Variants in ERBB3 observed in about 807,000 individuals in gnomAD.
ERBB3 encodes receptor tyrosine-protein kinase erbB-3.
Under a neutral mutation model 156.7 loss-of-function variants are expected in ERBB3, and 96 were observed. That is an observed-to-expected ratio of 0.61 (90% confidence interval 0.52 to 0.73). The LOEUF is 0.73. Ranked by LOEUF, ERBB3 falls within the 30% of genes least tolerant of loss-of-function variation. The pLI is 0.00. For synonymous variants in ERBB3, 567 were observed against 632.0 expected, an observed-to-expected ratio of 0.90 and a Z score of 1.54; for missense variants, 1,406 against 1,709.4, an observed-to-expected ratio of 0.82 and a Z score of 3.13.
At chr12:56,097,331 C>A in intron 20 of ERBB3, 101 bp downstream of exon 20, 1 of 1,147,850 alleles carries the variant, frequency 8.7e-7, no homozygotes, top group Non-Finnish European at 1.3e-6. Flanking sequence ...AGGTCCCCAA[C>A]CCCCGGGCTG....
In ERBB3 at chr12:56,101,852, T is replaced by G; in HGVS notation, c.3826T>G (p.Tyr1276Asp). 6.2e-7 allele frequency: 1 copy of G among 1,613,130 alleles called. No homozygotes were observed. The highest frequency in any genetic ancestry group is 8.5e-7 in the Non-Finnish European group (1 of 1,179,826). Residue 1276 changes from tyrosine to aspartate, a missense_variant, in exon 28 of 28, where the codon TAT becomes GAT. Transcript: ENST00000267101. ...AGATGGAGGTGGTCCTGGGGGTGAT[T>G]ATGCAGCCATGGGGGCCTGCCCAGC... is the stretch of plus-strand genomic sequence containing the variant. The part of the protein sequence containing the change: ...QRDGGGPGGD[Y>D]AAMGACPASE...
chr12:56,096,690 G>A (rs1246549470), intron 18 of ERBB3, 58 bp from the exon 19 acceptor site: 3 of 1,613,444 alleles, frequency 1.9e-6, no homozygotes, highest in African/African-American at 1.3e-5. Flanking sequence ...AAAGATTTTT[G>A]CATAGGATTG....
chr12:56,098,685 G>C, intron 22 of ERBB3, 74 bp from the exon 23 acceptor site: 1 of 1,593,448 alleles, frequency 6.3e-7, no homozygotes, highest in Non-Finnish European at 8.6e-7. Context: ...TGTTAGATCA[G>C]GTTCTGCCTT....
chr12:56,095,465 TG>T, intron 16 of ERBB3, 155 bp downstream of exon 16: 2 of 886,390 alleles, frequency 2.3e-6, no homozygotes, highest in Non-Finnish European at 3.6e-6. Flanking sequence ...TGCAGGCTTC[TG>T]GACTTCCCTT....
chr12:56,096,616 G>A lies in ERBB3; in HGVS notation c.2169G>A (p.Val723=), dbSNP rs1035497922. 6.2e-7 allele frequency: 1 copy of A among 1,614,186 alleles called. No individual in the cohort carries two copies. Among genetic ancestry groups the A allele is most frequent in the Non-Finnish European group, 8.5e-7 (1 of 1,180,038 alleles). The change falls in exon 18 of 28, where the codon GTG becomes GTA. Residue 723 remains valine, a synonymous_variant. Transcript: ENST00000267101. The part of the protein sequence containing the change: ...KVLGSGVFGT[V]HKGVWIPEGE... ...TTGGCTCGGGTGTCTTTGGAACTGTGCACAAAGTGAGTGACCCATAGGAAT... is the reference window on the plus strand; with the variant it reads ...TTGGCTCGGGTGTCTTTGGAACTGTACACAAAGTGAGTGACCCATAGGAAT...
intron 18 of ERBB3, 45 bp downstream of exon 18, chr12:56,096,667 G>A (rs781376470): frequency 1.9e-5 from 30 of 1,614,092 alleles, no homozygotes; most frequent in Non-Finnish European, 2.5e-5. Flanking sequence ...AAGGCATCTA[G>A]GGCAAAGGGG....
chr12:56,095,039 T>C (rs1277146273), intron 15 of ERBB3, among the ~76,000 whole-genome samples: 1 of 152,064 alleles, frequency 6.6e-6, no homozygotes, highest in East Asian at 1.9e-4. Context: ...CACCACAGTT[T>C]TGGGAACCTG....
intron 2 of ERBB3, among the ~76,000 whole-genome samples, chr12:56,084,118 G>A (rs1205709560): frequency 6.6e-6 from 1 of 152,126 alleles, no homozygotes; most frequent in African/African-American, 2.4e-5. Context: ...CAGGGTCAGG[G>A]GCAGGTGGTG....
rs1868655086 is a variant in ERBB3, at chr12:56,090,749, CG to C, written c.1109+1882del. ...CACATGCTATTGTTTTTCTGGACCACGTGAGGGTAAATTTTCACACATGGTT... is the reference window on the plus strand; with the variant it reads ...CACATGCTATTGTTTTTCTGGACCACTGAGGGTAAATTTTCACACATGGTT... On this transcript the variant is annotated intron_variant, in intron 9 of 27. Transcript: ENST00000267101. Among the ~76,000 whole-genome samples the C allele has an allele frequency of 5.3e-5, 8 of 152,200 alleles. No individual in the cohort carries two copies. The South Asian group carries it at 1.7e-3, about 32-fold the overall frequency.
At position 56,088,796 on chromosome 12, in the gene ERBB3, G is replaced by C. The variant is rs2136798448; in HGVS notation, c.1037G>C (p.Ser346Thr). 1.2e-6 allele frequency: 2 copies of C among 1,614,136 alleles called. No homozygotes were observed. The highest frequency in any genetic ancestry group is 2.2e-5 in the South Asian group (2 of 91,080). ...AGCCGCTTCCAGACTGTGGACTCGA[G>C]CAACATTGATGGATTTGTGAACTGC... Reference protein sequence around the residue: ...SGSRFQTVDSSNIDGFVNCTK... With the variant: ...SGSRFQTVDSTNIDGFVNCTK... The change falls in exon 9 of 28, where the codon AGC (serine) becomes ACC (threonine). Residue 346 changes from serine (S) to threonine (T), a missense_variant. By Grantham distance (58) the Ser-to-Thr change is moderately conservative. Coordinates refer to ENST00000267101, the MANE Select transcript of ERBB3 (RefSeq NM_001982.4).
intron 15 of ERBB3, 29 bp downstream of exon 15, chr12:56,094,585 G>T (rs778747536): frequency 6.2e-7 from 1 of 1,612,052 alleles, no homozygotes; most frequent in Admixed American, 1.7e-5. Context: ...AGGAGAGGGG[G>T]TCAGGTGGAA....
chr12:56,083,546 A>C, intron 1 of ERBB3: 5 of 602,838 alleles, frequency 8.3e-6, no homozygotes, highest in Non-Finnish European at 1.2e-5. Flanking sequence ...CATTCATGGA[A>C]TGGTAAGGGG....
chr12:56,088,485 T>G, intron 7 of ERBB3, 58 bp from the exon 8 acceptor site: 1 of 1,312,130 alleles, frequency 7.6e-7, no homozygotes, highest in Non-Finnish European at 1.1e-6. Flanking sequence ...AAGGGTTCCA[T>G]TGGTAGCTGG....
At position 56,095,781 on chromosome 12, in the gene ERBB3, T is replaced by C; in HGVS notation, c.2030T>C (p.Met677Thr). Residue 677 changes from methionine to threonine, a missense_variant, in exon 17 of 28, where the codon ATG becomes ACG. Transcript: ENST00000267101. ...RGRRIQNKRAMRRYLERGESI... is the reference protein window; with the variant it reads ...RGRRIQNKRATRRYLERGESI... ...CGCCGGATTCAGAATAAAAGGGCTA[T>C]GAGGCGATACTTGGAACGGGGTGAG... is the stretch of plus-strand genomic sequence containing the variant. 1 of 1,614,238 alleles carries C rather than the reference T, an allele frequency of 6.2e-7. No homozygotes were observed. The highest frequency in any genetic ancestry group is 8.5e-7 in the Non-Finnish European group (1 of 1,180,046).
At chr12:56,100,449 C>G (rs925952540) in intron 26 of ERBB3, 1 of 600,186 alleles carries the variant, frequency 1.7e-6, no homozygotes, top group Non-Finnish European at 3.0e-6. Flanking sequence ...TGAGACCAGC[C>G]TGGCCAACAT....
chr12:56,092,754 T>C lies in ERBB3; in HGVS notation c.1117T>C (p.Trp373Arg), dbSNP rs371094129. The C allele has an allele frequency of 2.7e-5, 44 of 1,613,720 alleles. No homozygotes were observed. Among genetic ancestry groups the C allele is most frequent in the Non-Finnish European group, 3.7e-5 (44 of 1,179,706 alleles). Residue 373 changes from tryptophan (W) to arginine (R), a missense_variant, in exon 10 of 28, where the codon TGG becomes CGG. Around this residue, in one of 3 missense-constraint regions of ERBB3, gnomAD observed 979 missense variants for 1,219.6 expected, o/e 0.80. Coordinates refer to ENST00000267101, the MANE Select transcript of ERBB3 (RefSeq NM_001982.4). ...FLITGLNGDPWHKIPALDPEK... is the reference protein window; with the variant it reads ...FLITGLNGDPRHKIPALDPEK... Reference sequence around the variant, plus strand: ...TTCTACTGTTCTATTCAGAGACCCCTGGCACAAGATCCCTGCCCTGGACCC... The same window carrying C: ...TTCTACTGTTCTATTCAGAGACCCCCGGCACAAGATCCCTGCCCTGGACCC...
rs930227050 is a variant in ERBB3, at chr12:56,093,371, A to G, written c.1301A>G (p.Lys434Arg). Reference protein sequence around the residue: ...YNRGFSLLIMKNLNVTSLGFR... With the variant: ...YNRGFSLLIMRNLNVTSLGFR... Reference sequence around the variant, plus strand: ...CGGGGCTTCTCATTGTTGATCATGAAGAACTTGAATGTCACATCTCTGGGC... The same window carrying G: ...CGGGGCTTCTCATTGTTGATCATGAGGAACTTGAATGTCACATCTCTGGGC... Residue 434 changes from lysine (K) to arginine (R), a missense_variant, in exon 12 of 28, where the codon AAG becomes AGG. Physicochemically the swap from Lys to Arg is conservative, Grantham distance 26. Coordinates refer to ENST00000267101, the MANE Select transcript of ERBB3 (RefSeq NM_001982.4). The G allele has an allele frequency of 4.6e-5, 75 of 1,613,862 alleles. No individual in the cohort carries two copies. The highest frequency in any genetic ancestry group is 5.9e-5 in the Non-Finnish European group (70 of 1,180,004).
chr12:56,093,671 G>A lies in ERBB3; in HGVS notation c.1481-93G>A. The A allele has an allele frequency of 3.8e-6, 6 of 1,582,904 alleles. No individual in the cohort carries two copies. The African/African-American group carries it at 5.4e-5, about 14-fold the overall frequency. On this transcript the variant is annotated intron_variant, in intron 12 of 27. Transcript: ENST00000267101. ...GGATGGAACCAAGGAGAAGGGGGCT[G>A]TTAGGCTGGAAGCAGTAACGAGGAA...
At chr12:56,082,195 C>T (rs897772029) in intron 1 of ERBB3, among the ~76,000 whole-genome samples, 2 of 152,204 alleles carry the variant, frequency 1.3e-5, no homozygotes, top group Non-Finnish European at 2.9e-5. Flanking sequence ...CCTGAGCCAG[C>T]AGGACCAATG....
Sources: allele counts gnomAD v4.1 joint callset (sites outside exome capture counted in the v4.1 genomes callset), GRCh38; gene constraint gnomAD v4.1.1; regional missense constraint gnomAD v4.1.1; transcripts MANE v1.5; gene names NCBI Gene and HGNC (gene_info 2026-07-23, HGNC 2026-07-21).